Variants in COMMD1 observed in about 807,000 individuals in gnomAD.
COMMD1 encodes the protein COMM domain-containing protein 1.
In COMMD1, 10 loss-of-function variants were observed where a neutral mutation model predicts 17.2. The ratio of observed to expected loss-of-function variants is 0.58; its 90% confidence interval spans 0.36 to 0.99. The LOEUF is 0.99. Among genes scored for constraint, COMMD1 ranks in the 50% least tolerant of loss-of-function variants. The pLI, the probability that COMMD1 is intolerant of heterozygous loss-of-function variation, is 0.01. For synonymous variants in COMMD1, 97 were observed against 91.6 expected (o/e 1.06, Z -0.34); for missense variants, 270 against 231.8 (o/e 1.17, Z -1.07).
chr2:61,926,871 G>A (rs1288105355), intron 1 of COMMD1, among the ~76,000 whole-genome samples: 1 of 152,026 alleles, frequency 6.6e-6, no homozygotes. Flanking sequence ...ATAGGCCACA[G>A]GTGCCTCTGT....
At chr2:61,953,331 G>A (rs1671107752) in intron 1 of COMMD1, among the ~76,000 whole-genome samples, 1 of 150,816 alleles carries the variant, frequency 6.6e-6, no homozygotes, top group Admixed American at 6.6e-5. Context: ...ATATTTCTGA[G>A]AGTTTTAGGA....
chr2:62,093,610 C>T (rs993435746), intron 2 of COMMD1, among the ~76,000 whole-genome samples: 3 of 152,124 alleles, frequency 2.0e-5, no homozygotes, highest in Non-Finnish European at 4.4e-5. Flanking sequence ...GGTACATTGC[C>T]GTACAGGACA....
intron 1 of COMMD1, among the ~76,000 whole-genome samples, chr2:61,951,174 CTT>C (rs1276318917): frequency 1.3e-5 from 2 of 152,058 alleles, no homozygotes; most frequent in Non-Finnish European, 2.9e-5. Context: ...GGTAATATGT[CTT>C]TCTGCGGCTG....
intron 1 of COMMD1, among the ~76,000 whole-genome samples, chr2:61,948,984 G>A (rs1397910245): frequency 1.3e-5 from 2 of 152,222 alleles, no homozygotes; most frequent in South Asian, 2.1e-4. Flanking sequence ...AGCCATTGAA[G>A]TGCTGGGCAC....
intron 2 of COMMD1, among the ~76,000 whole-genome samples, chr2:62,083,364 G>A (rs1671578009): frequency 6.6e-6 from 1 of 152,144 alleles, no homozygotes; most frequent in African/African-American, 2.4e-5. Context: ...TAGCCTGAAA[G>A]CAGCCACAGA....
At chr2:61,895,152 A>C (rs1463919984) in intron 1 of COMMD1, among the ~76,000 whole-genome samples, 2 of 152,244 alleles carry the variant, frequency 1.3e-5, no homozygotes, top group Non-Finnish European at 2.9e-5. Context: ...GAGAGATTTA[A>C]GAAAGTGAGA....
intron 2 of COMMD1, among the ~76,000 whole-genome samples, chr2:62,073,580 T>C (rs13396724): frequency 0.14 from 20,590 of 152,266 alleles, 3,513 homozygotes; most frequent in African/African-American, 0.4. Context: ...CTGTAATTTC[T>C]ATTTCCCTAA....
At chr2:62,078,301 C>G (rs904557691) in intron 2 of COMMD1, among the ~76,000 whole-genome samples, 3 of 147,176 alleles carry the variant, frequency 2.0e-5, no homozygotes, top group Non-Finnish European at 4.5e-5. Context: ...TGCCTGTAAT[C>G]CCAGCACTTT....
intron 1 of COMMD1, among the ~76,000 whole-genome samples, chr2:61,947,503 G>A (rs1670938292): frequency 6.6e-6 from 1 of 151,970 alleles, no homozygotes; most frequent in African/African-American, 2.4e-5. Context: ...GGCCAACATG[G>A]TGAAACCCTG....
chr2:61,889,724 G>A (rs896147494), intron 1 of COMMD1, among the ~76,000 whole-genome samples: 5 of 152,078 alleles, frequency 3.3e-5, no homozygotes, highest in Non-Finnish European at 5.9e-5. Flanking sequence ...GGGTGGTGGA[G>A]GTTTGACAGA....
intron 1 of COMMD1, among the ~76,000 whole-genome samples, chr2:61,998,228 A>G (rs1310013171): frequency 6.6e-6 from 1 of 151,156 alleles, no homozygotes; most frequent in Non-Finnish European, 1.5e-5. Context: ...CATATCAGCA[A>G]TAAGGCTGTT....
At chr2:62,083,283 T>G in intron 2 of COMMD1, among the ~76,000 whole-genome samples, 1 of 150,130 alleles carries the variant, frequency 6.7e-6, no homozygotes, top group African/African-American at 2.5e-5. Context: ...AAAAAAAAAG[T>G]CCTGGATAAT....
At chr2:62,115,369 G>A (rs1672563280) in intron 2 of COMMD1, among the ~76,000 whole-genome samples, 1 of 152,214 alleles carries the variant, frequency 6.6e-6, no homozygotes, top group Non-Finnish European at 1.5e-5. Flanking sequence ...TTCAGAGGAG[G>A]GAGAGGCCTG....
At chr2:61,908,504 C>T (rs868113526) in intron 1 of COMMD1, among the ~76,000 whole-genome samples, 6 of 151,892 alleles carry the variant, frequency 4.0e-5, no homozygotes, top group Admixed American at 1.3e-4. Flanking sequence ...GGATTACAGG[C>T]GTGAGCCACT....
At position 61,987,234 on chromosome 2, in the gene COMMD1, C is replaced by T. The variant is rs150445734; in HGVS notation, c.181-13467C>T. Among the ~76,000 whole-genome samples, 674 of 152,114 alleles carry T rather than the reference C, an allele frequency of 4.4e-3. 4 individuals are homozygous for T. Among genetic ancestry groups the T allele is most frequent in the Middle Eastern group, 0.017 (5 of 294 alleles). The stretch of plus-strand genomic sequence containing the variant: ...GAGCTCACGTTTTCCTGGATGGTCT[C>T]GATGCTTGTGGATTCTCGTTAGTGT... On this transcript the variant is annotated intron_variant, in intron 1 of 2. Coordinates refer to ENST00000311832, the MANE Select transcript of COMMD1 (RefSeq NM_152516.4).
intron 1 of COMMD1, among the ~76,000 whole-genome samples, chr2:61,996,790 CT>C (rs1428915911): frequency 6.6e-6 from 1 of 152,178 alleles, no homozygotes; most frequent in Non-Finnish European, 1.5e-5. Flanking sequence ...ACTTCTAATT[CT>C]TGTTCTCTTG....
chr2:61,904,737 A>G (rs1033905297), upstream of COMMD1, among the ~76,000 whole-genome samples: 1 of 152,254 alleles, frequency 6.6e-6, no homozygotes, highest in Non-Finnish European at 1.5e-5. Flanking sequence ...TTTAAAGTGT[A>G]CAATTCAGTG....
chr2:61,982,999 G>A (rs1391437755), intron 1 of COMMD1, among the ~76,000 whole-genome samples: 3 of 152,010 alleles, frequency 2.0e-5, no homozygotes, highest in Non-Finnish European at 2.9e-5. Flanking sequence ...AATTTTTAAT[G>A]TATCTTTGGT....
intron 2 of COMMD1, among the ~76,000 whole-genome samples, chr2:62,130,619 G>A (rs920906799): frequency 6.6e-6 from 1 of 152,114 alleles, no homozygotes; most frequent in Admixed American, 6.5e-5. Context: ...AATTTTGCAT[G>A]GGAAGTAGTA....
Sources: allele counts gnomAD v4.1 joint callset (sites outside exome capture counted in the v4.1 genomes callset), GRCh38; gene constraint gnomAD v4.1.1; transcripts MANE v1.5; gene names NCBI Gene and HGNC (gene_info 2026-07-23, HGNC 2026-07-21).